Variants in FBXW11 observed in about 807,000 individuals in gnomAD.
FBXW11 encodes F-box/WD repeat-containing protein 11.
In FBXW11, 19 loss-of-function variants were observed where a neutral mutation model predicts 77.6. The ratio of observed to expected loss-of-function variants is 0.24; its 90% CI spans 0.17 to 0.36. The LOEUF (loss-of-function observed/expected upper bound fraction) is 0.36, where lower values mean the gene tolerates loss of function less well. Ranked by LOEUF, FBXW11 falls within the 10% of genes least tolerant of loss-of-function variation. The pLI is 1.00. For synonymous variants in FBXW11, 235 were observed against 249.4 expected (o/e 0.94, Z 0.54); for missense variants, 334 against 704.2 (o/e 0.47, Z 5.95).
chr5:171,988,508 A>C (rs918516794), intron 1 of FBXW11, among the ~76,000 whole-genome samples: 2 of 152,166 alleles, frequency 1.3e-5, no homozygotes, highest in Non-Finnish European at 2.9e-5. Flanking sequence ...GTGATATAAA[A>C]AAGGAAGGAA....
chr5:171,871,118 T>C (rs975574891), intron 10 of FBXW11, among the ~76,000 whole-genome samples: 1 of 152,372 alleles, frequency 6.6e-6, no homozygotes, highest in African/African-American at 2.4e-5. Flanking sequence ...CTGTTTTTAA[T>C]CATGCGTCTG....
chr5:171,893,445 A>AAAAAAAAAAAG (rs1437337290), intron 6 of FBXW11, among the ~76,000 whole-genome samples: 1 of 149,010 alleles, frequency 6.7e-6, no homozygotes, highest in Non-Finnish European at 1.5e-5. Context: ...AAAAAAAAAA[A>AAAAAAAAAAAG]AACTAACCCA....
intron 4 of FBXW11, chr5:171,908,896 G>GAGCT (rs2113922066): frequency 6.6e-6 from 1 of 152,298 alleles, no homozygotes; most frequent in Non-Finnish European, 1.5e-5. Flanking sequence ...GCTAAGGGAG[G>GAGCT]AGCTACTCTT....
At chr5:171,929,582 T>A (rs996838622) in intron 2 of FBXW11, among the ~76,000 whole-genome samples, 1 of 152,132 alleles carries the variant, frequency 6.6e-6, no homozygotes, top group Non-Finnish European at 1.5e-5. Context: ...CCGGGCGTGG[T>A]GGCTCAGGCC....
intron 1 of FBXW11, among the ~76,000 whole-genome samples, chr5:171,984,416 C>CA (rs1765322669): frequency 2.0e-5 from 3 of 152,240 alleles, no homozygotes; most frequent in African/African-American, 7.2e-5. Flanking sequence ...CATGGCTTGT[C>CA]AGTCAATCTC....
chr5:171,862,055 G>A lies in FBXW11; in HGVS notation c.*2072C>T, dbSNP rs1406334729. 6.6e-6 allele frequency: 1 copy of A among 152,524 alleles called. No homozygotes were observed. The highest frequency in any genetic ancestry group is 1.5e-5 in the Non-Finnish European group (1 of 68,030). The allele number at this position is 152,524 out of a possible 1,614,324, so 9.4% of individuals were successfully genotyped here. A position where few individuals can be genotyped will look rare whatever the true frequency, so the allele number is the denominator to read the frequency against. On this transcript the variant is annotated 3_prime_UTR_variant, in exon 14 of 14. Coordinates refer to ENST00000517395, the MANE Select transcript of FBXW11 (RefSeq NM_001378974.1). ...GGCCATCATCTCCCAAGGAACGAGG[G>A]GAACTTCTATATTAAACATGCAAAA...
At chr5:171,954,998 C>T (rs767817976) in intron 2 of FBXW11, among the ~76,000 whole-genome samples, 5 of 152,134 alleles carry the variant, frequency 3.3e-5, no homozygotes, top group African/African-American at 4.8e-5. Flanking sequence ...CAAATAGTCA[C>T]GTCAGACTCA....
At chr5:171,941,333 G>T (rs1259359087) in intron 2 of FBXW11, among the ~76,000 whole-genome samples, 1 of 152,102 alleles carries the variant, frequency 6.6e-6, no homozygotes, top group Non-Finnish European at 1.5e-5. Context: ...GAAACAGCTG[G>T]TCTGTAATCT....
chr5:171,899,265 C>T (rs1338891447), intron 5 of FBXW11, among the ~76,000 whole-genome samples, 171 bp from the exon 6 acceptor site: 1 of 152,170 alleles, frequency 6.6e-6, no homozygotes, highest in East Asian at 1.9e-4. Context: ...AAGTTTAGCT[C>T]AATTCACAGC....
chr5:171,869,878 A>G lies in FBXW11; in HGVS notation c.1452-71T>C. ...ATATGCTGTCAAACATTTCCTTGAA[A>G]AAAAGTAGTGCATCTGAACTGCCTA... On this transcript the variant is annotated intron_variant, in intron 11 of 13. Coordinates refer to ENST00000517395, the MANE Select transcript of FBXW11 (RefSeq NM_001378974.1). This position sits in a 1 kb window ranked among gnomAD's most constrained non-coding sequence, Gnocchi z 4.1. The G allele has an allele frequency of 9.9e-7, 1 of 1,014,780 alleles. No individual in the cohort carries two copies. The highest frequency in any genetic ancestry group is 1.5e-5 in the South Asian group (1 of 67,442). 62.9% of individuals were successfully genotyped at this position (1,014,780 alleles called of 1,614,324 possible). A position where few individuals can be genotyped will look rare whatever the true frequency, so the allele number is the denominator to read the frequency against.
chr5:172,000,107 C>T (rs577791319), intron 1 of FBXW11, among the ~76,000 whole-genome samples: 2 of 151,618 alleles, frequency 1.3e-5, no homozygotes, highest in Admixed American at 6.5e-5. Flanking sequence ...CCAAGGGTAA[C>T]GAGCACATTC....
chr5:171,892,329 C>A (rs990593192), intron 6 of FBXW11, among the ~76,000 whole-genome samples: 1 of 152,138 alleles, frequency 6.6e-6, no homozygotes, highest in South Asian at 2.1e-4. Flanking sequence ...CATACAATAA[C>A]CTTGGAAGGA....
At chr5:171,906,467 T>C (rs1220534349) in intron 4 of FBXW11, among the ~76,000 whole-genome samples, 1 of 152,188 alleles carries the variant, frequency 6.6e-6, no homozygotes, top group Non-Finnish European at 1.5e-5. Flanking sequence ...CAGACACCTA[T>C]ATGATGTCAG....
intron 2 of FBXW11, among the ~76,000 whole-genome samples, chr5:171,950,477 T>C (rs1763248225): frequency 5.3e-5 from 8 of 151,780 alleles, no homozygotes; most frequent in Admixed American, 5.2e-4. Context: ...GTACCATTCA[T>C]GAAAGAGTTA....
chr5:171,927,020 A>G (rs1241828957), intron 2 of FBXW11, among the ~76,000 whole-genome samples: 1 of 151,646 alleles, frequency 6.6e-6, no homozygotes, highest in Non-Finnish European at 1.5e-5. Context: ...AAAGAAATAC[A>G]AAAAAAAATC....
chr5:171,900,464 G>C (rs888634597), intron 4 of FBXW11, among the ~76,000 whole-genome samples: 5 of 152,130 alleles, frequency 3.3e-5, no homozygotes, highest in Non-Finnish European at 7.4e-5. Flanking sequence ...GAAAGGTAAA[G>C]AACTCAAGAT....
chr5:171,991,184 G>A (rs1271458074), intron 1 of FBXW11, among the ~76,000 whole-genome samples: 3 of 152,086 alleles, frequency 2.0e-5, no homozygotes, highest in African/African-American at 7.2e-5. Context: ...AATTTGTCGA[G>A]TATTGATTGA....
chr5:171,908,067 T>TA (rs746897777), intron 4 of FBXW11, among the ~76,000 whole-genome samples: 2 of 152,264 alleles, frequency 1.3e-5, no homozygotes, highest in South Asian at 2.1e-4. Flanking sequence ...TCTCATCAGT[T>TA]AAAATCACTT....
intron 7 of FBXW11, among the ~76,000 whole-genome samples, chr5:171,888,177 T>TAA (rs956380904): frequency 1.3e-5 from 2 of 151,924 alleles, no homozygotes; most frequent in Admixed American, 1.3e-4. Context: ...ATGGAAAAGA[T>TAA]AAAAAAATTC....
Sources: allele counts gnomAD v4.1 joint callset (sites outside exome capture counted in the v4.1 genomes callset), GRCh38; gene constraint gnomAD v4.1.1; non-coding constraint Gnocchi (gnomAD v3.1); transcripts MANE v1.5; gene names NCBI Gene and HGNC (gene_info 2026-07-23, HGNC 2026-07-21).